The following HERC6 variants were observed in gnomAD, a reference collection of about 807,000 sequenced individuals.
HERC6 encodes the protein HECT and RLD domain containing E3 ubiquitin protein ligase family member 6.
Under a neutral mutation model 114.5 loss-of-function variants are expected in HERC6, and 101 were observed. The observed-to-expected ratio is 0.88, with a 90% CI of 0.75 to 1.04. The LOEUF is 1.04. Among genes scored for constraint, HERC6 ranks in the 50% least tolerant of loss-of-function variants. The pLI is 0.00. For missense variants in HERC6, 1,133 were observed against 1,230.9 expected (o/e 0.92, Z 1.19); for synonymous variants, 408 against 436.2 (o/e 0.94, Z 0.81).
At chr4:88,412,997 T>C in intron 11 of HERC6, 80 bp from the exon 12 acceptor site, 1 of 1,043,650 alleles carries the variant, frequency 9.6e-7, no homozygotes, top group Non-Finnish European at 1.4e-6. Flanking sequence ...AGTGAAACCC[T>C]TAATTTCACA....
chr4:88,408,036 G>A (rs1735894534), intron 10 of HERC6, among the ~76,000 whole-genome samples: 1 of 151,888 alleles, frequency 6.6e-6, no homozygotes, highest in Admixed American at 6.6e-5. Flanking sequence ...ACAAACTGTT[G>A]ATGCTCTCCA....
In HERC6 at chr4:88,439,377, A is replaced by AG. The variant is rs1293944072; in HGVS notation, c.2556-496dup. On this transcript the variant is annotated intron_variant, in intron 20 of 22. Coordinates refer to ENST00000264346, the MANE Select transcript of HERC6 (RefSeq NM_017912.4). ...AGAAAGAAAAAGAAAGGAAAGAGAA[A>AG]GAAAGAAGAAAGAAAGAAAAGGGAA... 6.6e-3 allele frequency among the ~76,000 whole-genome samples: 996 copies of AG among 151,444 alleles called. 9 individuals carry two copies. The highest frequency in any genetic ancestry group is 0.023 in the African/African-American group (924 of 40,938).
At position 88,413,087 on chromosome 4, in the gene HERC6, G is replaced by A; in HGVS notation, c.1379G>A (p.Cys460Tyr). Residue 460 changes from cysteine to tyrosine, a missense_variant, in exon 12 of 23, where the codon TGT (cysteine) becomes TAT (tyrosine). By Grantham distance (194) the Cys-to-Tyr change is radical. Coordinates refer to ENST00000264346, the MANE Select transcript of HERC6 (RefSeq NM_017912.4). The stretch of plus-strand genomic sequence containing the variant: ...CTATTTTTACCACAGATAACTACGT[G>A]TCTCGAGGATGATCTGCTCAGAGCT... ...KEWISSMITT[C>Y]LEDDLLRALP... 2 of 1,606,120 alleles carry A rather than the reference G, an allele frequency of 1.2e-6. No homozygotes were observed.
At chr4:88,407,169 G>A (rs890774971) in intron 10 of HERC6, among the ~76,000 whole-genome samples, 8 of 152,018 alleles carry the variant, frequency 5.3e-5, no homozygotes, top group African/African-American at 9.7e-5. Flanking sequence ...CCTCCGCCTC[G>A]TGGGTTCATG....
intron 12 of HERC6, among the ~76,000 whole-genome samples, chr4:88,416,862 A>G (rs773592500): frequency 2.9e-4 from 44 of 152,152 alleles, no homozygotes; most frequent in Non-Finnish European, 4.7e-4. Flanking sequence ...AATGTATTTT[A>G]ACATCAAATT....
intron 8 of HERC6, among the ~76,000 whole-genome samples, chr4:88,400,364 G>T (rs541614293): frequency 6.6e-6 from 1 of 152,114 alleles, no homozygotes; most frequent in Non-Finnish European, 1.5e-5. Flanking sequence ...ACAATGCCCA[G>T]CTGGTTTTTT....
rs1372832797 is a variant in HERC6, at chr4:88,379,652, A to T, written c.199+532A>T. ...TATATATATAAAAATATATATATAA[A>T]ATATATAAATATATATAATATATAA... On this transcript the variant is annotated intron_variant, in intron 1 of 22. Coordinates refer to ENST00000264346, the MANE Select transcript of HERC6 (RefSeq NM_017912.4). Among the ~76,000 whole-genome samples the T allele has an allele frequency of 3.5e-5, 4 of 112,776 alleles. No homozygotes were observed. In the South Asian group the frequency reaches 7.2e-4, roughly 20 times the overall value. 74.0% of individuals were successfully genotyped at this position (112,776 alleles called of 152,430 possible).
chr4:88,379,702 A>AATATATAATATATAAAT lies in HERC6; in HGVS notation c.199+605_199+621dup, dbSNP rs1422405030. On this transcript the variant is annotated intron_variant, in intron 1 of 22. Transcript: ENST00000264346. The stretch of plus-strand genomic sequence containing the variant: ...AATATATACAAATATATAATATATA[A>AATATATAATATATAAAT]ATATATAATATATAAATATATATAA... Among the ~76,000 whole-genome samples, 169 of 108,622 alleles carry AATATATAATATATAAAT rather than the reference A, an allele frequency of 1.6e-3. 21 individuals are homozygous for AATATATAATATATAAAT. Among genetic ancestry groups the AATATATAATATATAAAT allele is most frequent in the African/African-American group, 6.5e-3 (163 of 25,126 alleles). 71.3% of individuals were successfully genotyped at this position (108,622 alleles called of 152,430 possible). A position where few individuals can be genotyped will look rare whatever the true frequency, so the allele number is the denominator to read the frequency against.
intron 1 of HERC6, among the ~76,000 whole-genome samples, chr4:88,380,709 C>CT (rs1020634112): frequency 2.0e-5 from 3 of 149,866 alleles, no homozygotes; most frequent in Non-Finnish European, 4.4e-5. Flanking sequence ...GAGCAAGACT[C>CT]TGTCTCAAAA....
chr4:88,384,439 A>G (rs940526695), intron 2 of HERC6, among the ~76,000 whole-genome samples: 3 of 152,204 alleles, frequency 2.0e-5, no homozygotes, highest in African/African-American at 7.2e-5. Context: ...AAGTGGAGGG[A>G]AATATCACAT....
chr4:88,438,445 T>C (rs978150123), intron 20 of HERC6, among the ~76,000 whole-genome samples: 2 of 152,134 alleles, frequency 1.3e-5, no homozygotes, highest in Non-Finnish European at 2.9e-5. Context: ...AGTCTTGCCA[T>C]GCTGCCCAGG....
At chr4:88,418,028 C>T (rs1736664679) in intron 13 of HERC6, among the ~76,000 whole-genome samples, 1 of 151,698 alleles carries the variant, frequency 6.6e-6, no homozygotes, top group African/African-American at 2.4e-5. Context: ...CTCATCAACA[C>T]AGTGATAAGC....
intron 6 of HERC6, 69 bp downstream of exon 6, chr4:88,396,211 G>T: frequency 7.9e-7 from 1 of 1,273,704 alleles, no homozygotes; most frequent in South Asian, 2.2e-5. Context: ...ACTTAGAAAT[G>T]ACTCATATGG....
intron 6 of HERC6, 26 bp downstream of exon 6, chr4:88,396,168 T>A: frequency 6.5e-7 from 1 of 1,533,926 alleles, no homozygotes. Flanking sequence ...TTCTTCTTTT[T>A]CTTAGCATGT....
rs752692381 is a variant in HERC6 at position 88,440,226 on chromosome 4, T to C, written c.2818T>C (p.Leu940=). The part of the protein sequence containing the change: ...LFWKAFHKLT[L]DEKKKFLFFL... ...TTGGAAGGCTTTCCACAAACTAACC[T>C]TGGATGAAAAGAAAAAATTCCTCTG... The change falls in exon 22 of 23, where the codon TTG becomes CTG. Residue 940 remains leucine (L), a synonymous_variant. Coordinates refer to ENST00000264346, the MANE Select transcript of HERC6 (RefSeq NM_017912.4). 1.3e-6 allele frequency: 2 copies of C among 1,597,804 alleles called. No homozygotes were observed. The highest frequency in any genetic ancestry group is 1.7e-6 in the Non-Finnish European group (2 of 1,169,824).
rs747504961 is a variant in HERC6, at chr4:88,428,760, A to G, written c.2106+10A>G. On this transcript the variant is annotated intron_variant, in intron 16 of 22. Coordinates refer to ENST00000264346, the MANE Select transcript of HERC6 (RefSeq NM_017912.4). ...CTGCAAAGTATTAGTGGTACAGTAA[A>G]AAGTCTCATTGAACATTTTTACTTC... 1 of 1,502,116 alleles carries G rather than the reference A, an allele frequency of 6.7e-7. No individual in the cohort carries two copies. The highest frequency in any genetic ancestry group is 1.4e-5 in the South Asian group (1 of 72,360). The allele number at this position is 1,502,116 out of a possible 1,614,324, so 93.0% of individuals were successfully genotyped here. A position where few individuals can be genotyped will look rare whatever the true frequency, so the allele number is the denominator to read the frequency against.
At chr4:88,433,361 G>C (rs891604019) in intron 17 of HERC6, among the ~76,000 whole-genome samples, 2 of 152,076 alleles carry the variant, frequency 1.3e-5, no homozygotes, top group Admixed American at 6.5e-5. Context: ...GTTATGGTTT[G>C]AATGCCCCAC....
chr4:88,416,306 C>T (rs567717883), intron 12 of HERC6, among the ~76,000 whole-genome samples: 17 of 152,194 alleles, frequency 1.1e-4, no homozygotes, highest in African/African-American at 3.4e-4. Context: ...CCTGTGAGAG[C>T]GGTTTTGCTA....
Position 88,440,263 on chromosome 4 carries a change from G to A in HERC6, c.2842+13G>A. ...AAAAAATTCCTCTGTAAGTACTGTGGTACTAGATGGACACATAATTATGTA... is the reference window on the plus strand; with the variant it reads ...AAAAAATTCCTCTGTAAGTACTGTGATACTAGATGGACACATAATTATGTA... On this transcript the variant is annotated intron_variant, in intron 22 of 22. Transcript: ENST00000264346. The A allele has an allele frequency of 7.6e-7, 1 of 1,312,580 alleles. No individual in the cohort carries two copies. Among genetic ancestry groups the A allele is most frequent in the Non-Finnish European group, 1.1e-6 (1 of 921,646 alleles). 81.3% of individuals were successfully genotyped at this position (1,312,580 alleles called of 1,614,324 possible).
Sources: allele counts gnomAD v4.1 joint callset (sites outside exome capture counted in the v4.1 genomes callset), GRCh38; gene constraint gnomAD v4.1.1; transcripts MANE v1.5; gene names NCBI Gene and HGNC (gene_info 2026-07-23, HGNC 2026-07-21).